The following UTP20 variants were observed in gnomAD, a reference collection of about 807,000 sequenced individuals.
The protein encoded by UTP20 is small subunit processome component 20 homolog.
A neutral mutation model predicts 329.5 loss-of-function variants in UTP20; 164 were observed. That is an observed-to-expected ratio of 0.50 (90% CI 0.44 to 0.57). UTP20 has a LOEUF of 0.57. Ranked by LOEUF, UTP20 falls within the 20% of genes least tolerant of loss-of-function variation. The pLI is 0.00. For synonymous variants in UTP20, 1,151 were observed against 1,159.3 expected (o/e 0.99, Z 0.14); for missense variants, 3,055 against 3,284.2 (o/e 0.93, Z 1.71).
intron 60 of UTP20, among the ~76,000 whole-genome samples, chr12:101,384,448 G>C (rs1870761125): frequency 1.3e-5 from 2 of 152,154 alleles, no homozygotes; most frequent in Admixed American, 6.5e-5. Context: ...GGCTGAGGTG[G>C]GGGGATCTCT....
At chr12:101,328,906 A>G (rs185410966) in intron 26 of UTP20, among the ~76,000 whole-genome samples, 9 of 152,042 alleles carry the variant, frequency 5.9e-5, no homozygotes, top group African/African-American at 2.2e-4. Context: ...GGAATAAGAA[A>G]CTATTCATAA....
chr12:101,381,016 T>C, intron 57 of UTP20, 124 bp from the exon 58 acceptor site: 1 of 760,932 alleles, frequency 1.3e-6, no homozygotes, highest in Non-Finnish European at 2.3e-6. Flanking sequence ...TCCAAATCTA[T>C]ACAGGTGGTC....
intron 44 of UTP20, among the ~76,000 whole-genome samples, chr12:101,362,442 G>A (rs1229563352): frequency 1.3e-5 from 2 of 152,114 alleles, no homozygotes; most frequent in African/African-American, 4.8e-5. Context: ...TGTGGCTCAT[G>A]CCTGTAAACC....
chr12:101,287,993 G>A (rs565829566), intron 5 of UTP20, among the ~76,000 whole-genome samples: 5 of 152,272 alleles, frequency 3.3e-5, no homozygotes, highest in South Asian at 2.1e-4. Flanking sequence ...CCTGTGGACC[G>A]CTGTAAGGTC....
At chr12:101,305,382 T>C (rs1440551076) in intron 15 of UTP20, among the ~76,000 whole-genome samples, 1 of 151,690 alleles carries the variant, frequency 6.6e-6, no homozygotes, top group East Asian at 1.9e-4. Context: ...ACCAAGAGGT[T>C]AAGCAACTTG....
At position 101,317,664 on chromosome 12, in the gene UTP20, G is replaced by A. The variant is rs1238975860; in HGVS notation, c.2738+1G>A. On this transcript the variant is annotated splice_donor_variant, in intron 22 of 61. Coordinates refer to ENST00000261637, the MANE Select transcript of UTP20 (RefSeq NM_014503.3). LOFTEE classifies it high-confidence loss of function. ...AAAAGACGAGGAGAGCTGCAGCAAA[G>A]TAAGTTCACCATTGCTGAAAGATCA... 6.2e-7 allele frequency: 1 copy of A among 1,604,092 alleles called. No individual in the cohort carries two copies.
At position 101,356,583 on chromosome 12, in the gene UTP20, C is replaced by A. The variant is rs752878609; in HGVS notation, c.5424C>A (p.Val1808=). The change falls in exon 42 of 62, where the codon GTC becomes GTA. Residue 1808 remains valine (V), a synonymous_variant. Transcript: ENST00000261637. ...AAAGGGAAGAAGAACACAAGCTTGT[C>A]AAGTCAAAGGTTGTGAATGATGAGG... is the stretch of plus-strand genomic sequence containing the variant. ...TTKREEEHKL[V]KSKVVNDEEV... is the part of the protein sequence containing the mutation. The A allele has an allele frequency of 3.7e-6, 6 of 1,612,918 alleles. No individual in the cohort carries two copies. Among genetic ancestry groups the A allele is most frequent in the Non-Finnish European group, 5.1e-6 (6 of 1,179,596 alleles).
chr12:101,348,479 TG>T (rs1375337294), intron 38 of UTP20, among the ~76,000 whole-genome samples: 1 of 152,102 alleles, frequency 6.6e-6, no homozygotes, highest in Non-Finnish European at 1.5e-5. Context: ...CACAGTACAT[TG>T]TTGTCATTTT....
chr12:101,363,708 G>A lies in UTP20; in HGVS notation c.5923G>A (p.Asp1975Asn), dbSNP rs750611754. The change falls in exon 45 of 62, where the codon GAT becomes AAT. Residue 1975 changes from aspartate to asparagine, a missense_variant. By Grantham distance (23) the Asp-to-Asn change is conservative. Transcript: ENST00000261637. ...AATCCTCGGCAAGTTTGTAGGAAAAGATCAGGTTACAAAACTCATCCTTCC... is the reference window on the plus strand; with the variant it reads ...AATCCTCGGCAAGTTTGTAGGAAAAAATCAGGTTACAAAACTCATCCTTCC... ...YEILGKFVGK[D>N]QVTKLILPLK... is the part of the protein sequence containing the mutation. The A allele has an allele frequency of 1.7e-5, 28 of 1,611,762 alleles. No individual in the cohort carries two copies. Among genetic ancestry groups the A allele is most frequent in the Non-Finnish European group, 2.2e-5 (26 of 1,177,966 alleles).
chr12:101,289,306 G>A (rs1026854045), intron 6 of UTP20, among the ~76,000 whole-genome samples: 8 of 151,998 alleles, frequency 5.3e-5, no homozygotes, highest in Non-Finnish European at 1.0e-4. Flanking sequence ...GAGCCCAGGA[G>A]GTGGAAGTTG....
chr12:101,308,333 C>T lies in UTP20; in HGVS notation c.2144C>T (p.Pro715Leu), dbSNP rs781316396. 2.0e-6 allele frequency: 3 copies of T among 1,516,004 alleles called. No homozygotes were observed. The highest frequency in any genetic ancestry group is 2.8e-5 in the African/African-American group (2 of 71,068). The allele number at this position is 1,516,004 out of a possible 1,614,324, so 93.9% of individuals were successfully genotyped here. A position where few individuals can be genotyped will look rare whatever the true frequency, so the allele number is the denominator to read the frequency against. Residue 715 changes from proline to leucine, a missense_variant, in exon 18 of 62, where the codon CCG (proline) becomes CTG (leucine). By Grantham distance (98) the Pro-to-Leu change is moderately conservative (BLOSUM62 -3). Around this residue, in one of 3 missense-constraint regions of UTP20, gnomAD observed 2,445 missense variants for 2,575.5 expected, o/e 0.95. Coordinates refer to ENST00000261637, the MANE Select transcript of UTP20 (RefSeq NM_014503.3). ...GTACAGACTGCTGTCCCTGATGGGC[C>T]GTTACAGGAGGTAAAAATAGTGTTC... Reference protein sequence around the residue: ...DVVQTAVPDGPLQEVPLRYLL... With the variant: ...DVVQTAVPDGLLQEVPLRYLL...
Position 101,383,429 on chromosome 12 carries a change from G to C in UTP20, c.7930-114G>C, listed in dbSNP as rs191430372. 609 of 1,493,334 alleles carry C rather than the reference G, an allele frequency of 4.1e-4. 1 individual carries two copies. In the African/African-American group the frequency reaches 6.7e-3, roughly 16 times the overall value. The allele number at this position is 1,493,334 out of a possible 1,614,324, so 92.5% of individuals were successfully genotyped here. A position where few individuals can be genotyped will look rare whatever the true frequency, so the allele number is the denominator to read the frequency against. ...CTTTATCTTTGAACCCCAAACTGCA[G>C]CAATAACATCCGTCCCAAAATAGAC... is the stretch of plus-strand genomic sequence containing the variant. On this transcript the variant is annotated intron_variant, in intron 59 of 61. Transcript: ENST00000261637.
intron 28 of UTP20, among the ~76,000 whole-genome samples, chr12:101,333,847 A>G (rs1457433925): frequency 1.3e-5 from 2 of 152,166 alleles, no homozygotes; most frequent in African/African-American, 2.4e-5. Context: ...TATTTTTAGT[A>G]GAGATGGAGT....
chr12:101,377,320 C>G (rs1006004899), intron 56 of UTP20, among the ~76,000 whole-genome samples: 13 of 152,046 alleles, frequency 8.6e-5, no homozygotes, highest in African/African-American at 3.1e-4. Flanking sequence ...TCCTGTTCCC[C>G]AAAACCCACA....
intron 14 of UTP20, among the ~76,000 whole-genome samples, chr12:101,301,472 A>AGCCTG (rs892313999): frequency 2.6e-5 from 4 of 152,194 alleles, no homozygotes; most frequent in African/African-American, 4.8e-5. Context: ...GTTTGAGACC[A>AGCCTG]GCCTGGCCAA....
rs532560479 is a variant in UTP20, at chr12:101,376,103, G to A, written c.7396+347G>A. 1.3e-3 allele frequency among the ~76,000 whole-genome samples: 202 copies of A among 152,230 alleles called. 1 individual carries two copies. The highest frequency in any genetic ancestry group is 4.6e-3 in the African/African-American group (193 of 41,566). Reference sequence around the variant, plus strand: ...ATGGTGTACAATGTATTGTTTTGATGTATGTACTTGTGGTCTATATTTCCA... The same window carrying A: ...ATGGTGTACAATGTATTGTTTTGATATATGTACTTGTGGTCTATATTTCCA... On this transcript the variant is annotated intron_variant, in intron 56 of 61. Transcript: ENST00000261637.
In UTP20 at chr12:101,366,525, C is replaced by A. The variant is rs757991569; in HGVS notation, c.6126-33C>A. On this transcript the variant is annotated intron_variant, in intron 46 of 61. Coordinates refer to ENST00000261637, the MANE Select transcript of UTP20 (RefSeq NM_014503.3). ...TTCTTGGAATGCAGCTGACAGTGTT[C>A]TTTACCCTCTTCTCATGCCACGTGA... is the stretch of plus-strand genomic sequence containing the variant. 12 of 1,595,142 alleles carry A rather than the reference C, an allele frequency of 7.5e-6. No individual in the cohort carries two copies. The African/African-American group carries it at 1.1e-4, about 14-fold the overall frequency.
At chr12:101,339,990 A>G (rs770239291) in intron 31 of UTP20, among the ~76,000 whole-genome samples, 10 of 152,178 alleles carry the variant, frequency 6.6e-5, no homozygotes, top group Admixed American at 1.3e-4. Context: ...GTAGTAGTAG[A>G]AGGATGATGA....
At position 101,310,934 on chromosome 12, in the gene UTP20, A is replaced by T. The variant is rs569476433; in HGVS notation, c.2232-785A>T. Among the ~76,000 whole-genome samples, 10 of 152,316 alleles carry T rather than the reference A, an allele frequency of 6.6e-5. No individual in the cohort carries two copies. In the South Asian group the frequency reaches 2.1e-3, roughly 32 times the overall value. On this transcript the variant is annotated intron_variant, in intron 19 of 61. Transcript: ENST00000261637. ...TCAGCTTCATTATTTTGTTTATTAC[A>T]CTTTCAGAAGAGAGAATTTGACATA...
Sources: gnomAD v4.1 joint callset for allele counts (sites outside exome capture counted in the v4.1 genomes callset) on GRCh38, gnomAD v4.1.1 for gene constraint, gnomAD v4.1.1 regional missense constraint, MANE v1.5 for transcripts, NCBI Gene and HGNC (gene_info 2026-07-23, HGNC 2026-07-21) for gene names.